Variants in FBXL5 observed in about 807,000 individuals in gnomAD.
The protein encoded by FBXL5 is F-box/LRR-repeat protein 5.
In FBXL5, 26 loss-of-function variants were observed where a neutral mutation model predicts 78.3. That is an observed-to-expected ratio of 0.33 (90% confidence interval 0.24 to 0.46). The LOEUF (loss-of-function observed/expected upper bound fraction) is 0.46. Ranked by LOEUF, FBXL5 falls within the 20% of genes least tolerant of loss-of-function variation. The pLI, the probability that FBXL5 is intolerant of heterozygous loss-of-function variation, is 1.00. For synonymous variants in FBXL5, 295 were observed against 282.5 expected, an observed-to-expected ratio of 1.04 and a Z score of -0.45; for missense variants, 710 against 829.2, an observed-to-expected ratio of 0.86 and a Z score of 1.77.
At chr4:15,614,801 C>G (rs912463857) in intron 9 of FBXL5, among the ~76,000 whole-genome samples, 1 of 152,174 alleles carries the variant, frequency 6.6e-6, no homozygotes, top group Non-Finnish European at 1.5e-5. Flanking sequence ...TGCCTGGGCC[C>G]CCACTTTGGC....
At chr4:15,622,612 C>G (rs1175591800) in intron 9 of FBXL5, among the ~76,000 whole-genome samples, 1 of 152,146 alleles carries the variant, frequency 6.6e-6, no homozygotes, top group Non-Finnish European at 1.5e-5. Flanking sequence ...TGTTTTCTGT[C>G]TATTTCTACC....
chr4:15,626,699 G>T (rs140619316), intron 8 of FBXL5, among the ~76,000 whole-genome samples, 174 bp downstream of exon 8: 2 of 152,198 alleles, frequency 1.3e-5, no homozygotes, highest in Non-Finnish European at 2.9e-5. Flanking sequence ...GGGATTTTTG[G>T]ATCAGCTGGG....
Position 15,625,272 on chromosome 4 carries a change from C to G in FBXL5, c.1830G>C (p.Gln610His), listed in dbSNP as rs148527270. 6.2e-7 allele frequency: 1 copy of G among 1,611,918 alleles called. No individual in the cohort carries two copies. Among genetic ancestry groups the G allele is most frequent in the Non-Finnish European group, 8.5e-7 (1 of 1,178,784 alleles). Residue 610 changes from glutamine (Q) to histidine (H), a missense_variant, in exon 9 of 11, where the codon CAG becomes CAC. Gln to His is a conservative substitution (Grantham distance 24, BLOSUM62 0). Around this residue, in one of 4 missense-constraint regions of FBXL5, gnomAD observed 58 missense variants for 112.3 expected, o/e 0.52. Transcript: ENST00000341285. ...LLFLSLSGCY[Q>H]ITDHGLRVLT... ...CTCACCTGAGACCATGGTCTGTGAT[C>G]TGATAACATCCAGATAAACTGAGAA...
Position 15,640,859 on chromosome 4 carries a change from C to A in FBXL5, c.325G>T (p.Ala109Ser). 6.5e-7 allele frequency: 1 copy of A among 1,540,626 alleles called. No homozygotes were observed. Among genetic ancestry groups the A allele is most frequent in the Non-Finnish European group, 8.7e-7 (1 of 1,143,940 alleles). The change falls in exon 3 of 11, where the codon GCA becomes TCA. Residue 109 changes from alanine (A) to serine (S), a missense_variant. Transcript: ENST00000341285. The stretch of plus-strand genomic sequence containing the variant: ...TCCAATCTCTCTTTCAGTTGTTTTG[C>A]ATAATTTAACTGTTCATATTCATTC... ...VKNEYEQLNY[A>S]KQLKERLEAF...
chr4:15,640,167 A>T (rs1025433464), intron 3 of FBXL5, among the ~76,000 whole-genome samples: 1 of 152,144 alleles, frequency 6.6e-6, no homozygotes. Flanking sequence ...CAAGCTCCCA[A>T]GTAGCTGAGA....
At chr4:15,616,201 A>C (rs1711850464) in intron 9 of FBXL5, among the ~76,000 whole-genome samples, 1 of 152,290 alleles carries the variant, frequency 6.6e-6, no homozygotes, top group African/African-American at 2.4e-5. Flanking sequence ...CGCCACCTTA[A>C]GAGCTGTAAC....
rs1280877571 is a variant in FBXL5 at position 15,625,537 on chromosome 4, C to G, written c.1565G>C (p.Ser522Thr). Residue 522 changes from serine to threonine, a missense_variant, in exon 9 of 11, where the codon AGT (serine) becomes ACT (threonine). By Grantham distance (58) the Ser-to-Thr change is moderately conservative (BLOSUM62 1). Around this residue, in one of 4 missense-constraint regions of FBXL5, gnomAD observed 517 missense variants for 542.9 expected, o/e 0.95. Transcript: ENST00000341285. ...NFSCSTSGCF[S>T]KDIVGLRTSV... ...AGTCCTTAGTCCAACAATGTCCTTA[C>G]TAAAACAACCAGAGGTGGAACAACT... 1 of 1,614,050 alleles carries G rather than the reference C, an allele frequency of 6.2e-7. No individual in the cohort carries two copies. The highest frequency in any genetic ancestry group is 8.5e-7 in the Non-Finnish European group (1 of 1,180,024).
At chr4:15,671,118 T>G (rs377622555) in intron 1 of FBXL5, among the ~76,000 whole-genome samples, 7 of 151,826 alleles carry the variant, frequency 4.6e-5, no homozygotes, top group Non-Finnish European at 1.0e-4. Context: ...GAGATGGGGT[T>G]TCTCCATGTT....
rs188435620 is a variant in FBXL5, at chr4:15,647,089, G to A, written c.85-2381C>T. 2.6e-3 allele frequency among the ~76,000 whole-genome samples: 391 copies of A among 151,364 alleles called. 3 individuals carry two copies. The highest frequency in any genetic ancestry group is 9.0e-3 in the African/African-American group (371 of 41,274). ...AACACAAAAATTAGCAGGGAGTGGT[G>A]GTGTGCACCTGTAGTCCCAGCTACT... On this transcript the variant is annotated intron_variant, in intron 1 of 10. Transcript: ENST00000341285.
chr4:15,663,622 C>T (rs1187309306), upstream of FBXL5, among the ~76,000 whole-genome samples: 1 of 152,184 alleles, frequency 6.6e-6, no homozygotes, highest in Non-Finnish European at 1.5e-5. Context: ...AATACTACTA[C>T]CTATTCTAGT....
At position 15,630,926 on chromosome 4, in the gene FBXL5, T is replaced by C. The variant is rs112309399; in HGVS notation, c.767-135A>G. 1.7e-4 allele frequency: 186 copies of C among 1,078,256 alleles called. No homozygotes were observed. In the African/African-American group the frequency reaches 2.5e-3, roughly 14 times the overall value. 66.8% of individuals were successfully genotyped at this position (1,078,256 alleles called of 1,614,324 possible). On this transcript the variant is annotated intron_variant, in intron 5 of 10. Coordinates refer to ENST00000341285, the MANE Select transcript of FBXL5 (RefSeq NM_012161.4). ...GCCCTAGGCAATAAGCAACTGTTTT[T>C]TTTTAATACTTTTAAGTTCTACGGT...
At chr4:15,615,699 G>C (rs898026445) in intron 9 of FBXL5, among the ~76,000 whole-genome samples, 8 of 151,018 alleles carry the variant, frequency 5.3e-5, no homozygotes, top group Admixed American at 1.3e-4. Context: ...ACGAAACTCT[G>C]TATCTAACTA....
intron 1 of FBXL5, among the ~76,000 whole-genome samples, chr4:15,680,848 AT>A (rs1560257125): frequency 1.3e-5 from 2 of 150,922 alleles, no homozygotes; most frequent in Non-Finnish European, 3.0e-5. Flanking sequence ...TTAAGGTAGA[AT>A]TTAAAAAAAA....
At chr4:15,652,498 G>A (rs966027985) in intron 1 of FBXL5, among the ~76,000 whole-genome samples, 6 of 152,194 alleles carry the variant, frequency 3.9e-5, no homozygotes, top group South Asian at 4.2e-4. Context: ...ACTTTTTACA[G>A]ATGTAAAAAG....
At chr4:15,638,454 A>G (rs1714505747) in intron 4 of FBXL5, 54 bp downstream of exon 4, 11 of 1,324,266 alleles carry the variant, frequency 8.3e-6, no homozygotes, top group Non-Finnish European at 1.1e-5. Flanking sequence ...CATATCAGTA[A>G]GATGTCAATG....
chr4:15,613,063 C>T (rs1395227951), intron 9 of FBXL5, among the ~76,000 whole-genome samples: 1 of 152,116 alleles, frequency 6.6e-6, no homozygotes, highest in African/African-American at 2.4e-5. Context: ...ACCTTGAACA[C>T]ATAAACCTAA....
At chr4:15,672,195 T>TG (rs1447334018) in intron 1 of FBXL5, among the ~76,000 whole-genome samples, 1 of 152,250 alleles carries the variant, frequency 6.6e-6, no homozygotes, top group Non-Finnish European at 1.5e-5. Flanking sequence ...CTAGGGCTAA[T>TG]GGTTTCCCAC....
intron 1 of FBXL5, among the ~76,000 whole-genome samples, chr4:15,675,927 A>G (rs1361450368): frequency 6.6e-6 from 1 of 152,164 alleles, no homozygotes; most frequent in East Asian, 1.9e-4. Context: ...TATTCTGACT[A>G]CCTCAAACAG....
chr4:15,671,390 A>C (rs1021350273), intron 1 of FBXL5, among the ~76,000 whole-genome samples: 4 of 151,768 alleles, frequency 2.6e-5, no homozygotes, highest in African/African-American at 9.7e-5. Flanking sequence ...TCCATTTAAG[A>C]TTTTATCTTT....
Sources: gnomAD v4.1 joint callset for allele counts (sites outside exome capture counted in the v4.1 genomes callset) on GRCh38, gnomAD v4.1.1 for gene constraint, gnomAD v4.1.1 regional missense constraint, MANE v1.5 for transcripts, NCBI Gene and HGNC (gene_info 2026-07-23, HGNC 2026-07-21) for gene names.